Variants in LRRC4C observed in about 807,000 individuals in gnomAD.
LRRC4C encodes leucine-rich repeat-containing protein 4C.
In LRRC4C, 5 loss-of-function variants were observed where a neutral mutation model predicts 33.6. That is an observed-to-expected ratio of 0.15 (90% confidence interval 0.08 to 0.31). The LOEUF (loss-of-function observed/expected upper bound fraction) is 0.31, where lower values mean the gene tolerates loss of function less well. LRRC4C is among the 10% of genes least tolerant of loss of function. The pLI is 1.00. For synonymous variants in LRRC4C, 329 were observed against 302.0 expected (o/e 1.09, Z -0.93); for missense variants, 560 against 796.7 (o/e 0.70, Z 3.58).
intron 5 of LRRC4C, among the ~76,000 whole-genome samples, chr11:40,178,466 C>A (rs1161908846): frequency 6.6e-6 from 1 of 152,182 alleles, no homozygotes; most frequent in Admixed American, 6.5e-5. Flanking sequence ...TATCCATTTG[C>A]TGCTTAAGCT....
At chr11:40,207,883 C>G (rs1863275462) in intron 5 of LRRC4C, among the ~76,000 whole-genome samples, 1 of 152,058 alleles carries the variant, frequency 6.6e-6, no homozygotes, top group Admixed American at 6.6e-5. Flanking sequence ...TCCACAGCAC[C>G]CTTTACATAT....
intron 3 of LRRC4C, among the ~76,000 whole-genome samples, chr11:40,378,594 T>A (rs2137320985): frequency 6.6e-6 from 1 of 152,202 alleles, no homozygotes; most frequent in East Asian, 1.9e-4. Context: ...TGACCACAGA[T>A]TGGATAGCTT....
chr11:40,614,743 T>A (rs1429117154), intron 3 of LRRC4C, among the ~76,000 whole-genome samples: 1 of 151,622 alleles, frequency 6.6e-6, no homozygotes, highest in Non-Finnish European at 1.5e-5. Flanking sequence ...GTAGGGTTAT[T>A]AACTATCTTA....
intron 1 of LRRC4C, among the ~76,000 whole-genome samples, chr11:41,444,187 C>T (rs961999917): frequency 1.3e-5 from 2 of 152,110 alleles, no homozygotes; most frequent in African/African-American, 4.8e-5. Context: ...ACAGTTGGCT[C>T]TCTGTATGTG....
At chr11:41,094,301 G>A (rs192824191) in intron 1 of LRRC4C, among the ~76,000 whole-genome samples, 13 of 151,998 alleles carry the variant, frequency 8.6e-5, no homozygotes, top group Admixed American at 5.2e-4. Flanking sequence ...CAAGACGGGC[G>A]GATCACGAGG....
chr11:40,166,542 G>T lies in LRRC4C; in HGVS notation c.-95-25689C>A, dbSNP rs1157979795. On this transcript the variant is annotated intron_variant, in intron 5 of 6. Transcript: ENST00000528697. ...CTGTGTTCAATTTGTGAAATGTCAT[G>T]AACACATATGCTTCTGATATGTGTG... is the stretch of plus-strand genomic sequence containing the variant. 2.6e-5 allele frequency among the ~76,000 whole-genome samples: 4 copies of T among 152,074 alleles called. No homozygotes were observed. In the East Asian group the frequency reaches 7.7e-4, roughly 29 times the overall value.
chr11:40,260,305 C>A, intron 4 of LRRC4C, among the ~76,000 whole-genome samples: 1 of 141,792 alleles, frequency 7.1e-6, no homozygotes, highest in African/African-American at 2.6e-5. Flanking sequence ...ATCACAAGAA[C>A]AAAAAACCAA....
chr11:41,128,969 A>T (rs1474600457), intron 1 of LRRC4C, among the ~76,000 whole-genome samples: 2 of 152,064 alleles, frequency 1.3e-5, no homozygotes, highest in Non-Finnish European at 2.9e-5. Flanking sequence ...TTAGAAAATG[A>T]ATACAATTTG....
chr11:40,566,165 C>T (rs1326554433), intron 3 of LRRC4C, among the ~76,000 whole-genome samples: 1 of 131,004 alleles, frequency 7.6e-6, no homozygotes, highest in African/African-American at 2.9e-5. Context: ...ACTGGAATGA[C>T]TGGAGAAGTG....
chr11:40,725,211 C>A (rs1335269471), intron 2 of LRRC4C, among the ~76,000 whole-genome samples: 2 of 152,108 alleles, frequency 1.3e-5, no homozygotes, highest in Non-Finnish European at 2.9e-5. Context: ...CTGGCATTCT[C>A]CATAAGAACT....
At chr11:40,346,688 C>A (rs1947147484) in intron 3 of LRRC4C, among the ~76,000 whole-genome samples, 1 of 152,054 alleles carries the variant, frequency 6.6e-6, no homozygotes, top group Admixed American at 6.6e-5. Context: ...GCACATGTGC[C>A]CCTGAACTTA....
At chr11:40,475,462 C>T (rs1953165976) in intron 3 of LRRC4C, among the ~76,000 whole-genome samples, 1 of 151,914 alleles carries the variant, frequency 6.6e-6, no homozygotes, top group African/African-American at 2.4e-5. Context: ...TGAGTGGGGG[C>T]TAGGGGAGGG....
chr11:40,468,104 T>C (rs1369220766), intron 3 of LRRC4C, among the ~76,000 whole-genome samples: 1 of 152,216 alleles, frequency 6.6e-6, no homozygotes, highest in Non-Finnish European at 1.5e-5. Flanking sequence ...TCCATTTTTG[T>C]AGGCTTCTTT....
intron 2 of LRRC4C, among the ~76,000 whole-genome samples, chr11:40,711,508 T>C (rs1670924845): frequency 6.6e-6 from 1 of 152,202 alleles, no homozygotes; most frequent in South Asian, 2.1e-4. Context: ...GAGACTGTTT[T>C]ATAGAGGCAG....
At chr11:41,297,666 CCTGTTTACTATA>C (rs368337198) in intron 1 of LRRC4C, among the ~76,000 whole-genome samples, 9 of 152,142 alleles carry the variant, frequency 5.9e-5, no homozygotes, top group African/African-American at 2.2e-4. Flanking sequence ...ATACTCTCTG[CCTGTTTACTATA>C]TATTTCAATA....
At chr11:40,841,934 T>C (rs1050743675) in intron 2 of LRRC4C, among the ~76,000 whole-genome samples, 2 of 152,196 alleles carry the variant, frequency 1.3e-5, no homozygotes, top group African/African-American at 2.4e-5. Flanking sequence ...CAGGGTATAA[T>C]ACAATCATTT....
intron 2 of LRRC4C, among the ~76,000 whole-genome samples, chr11:40,782,576 A>G (rs1241522294): frequency 6.6e-6 from 1 of 151,928 alleles, no homozygotes; most frequent in Admixed American, 6.6e-5. Context: ...AGAGTTTCCT[A>G]TTGTAATTAA....
chr11:40,906,689 CCTCTCT>C (rs370871101), intron 2 of LRRC4C, among the ~76,000 whole-genome samples: 1 of 150,266 alleles, frequency 6.7e-6, no homozygotes, highest in African/African-American at 2.5e-5. Flanking sequence ...AGTATGTTTC[CCTCTCT>C]CTCTCTCTCT....
At chr11:40,230,443 G>T (rs1865119676) in intron 5 of LRRC4C, among the ~76,000 whole-genome samples, 1 of 152,178 alleles carries the variant, frequency 6.6e-6, no homozygotes, top group Non-Finnish European at 1.5e-5. Flanking sequence ...ATTGGCAGGG[G>T]ATGAGGAGGA....
Sources: allele counts gnomAD v4.1 joint callset (sites outside exome capture counted in the v4.1 genomes callset), GRCh38; gene constraint gnomAD v4.1.1; transcripts MANE v1.5; gene names NCBI Gene and HGNC (gene_info 2026-07-23, HGNC 2026-07-21).